The following CLSTN2 variants were observed in gnomAD, a reference collection of about 807,000 sequenced individuals.
The protein encoded by CLSTN2 is calsyntenin-2.
Under a neutral mutation model 101.2 loss-of-function variants are expected in CLSTN2, and 48 were observed. The observed-to-expected ratio is 0.47, with a 90% CI of 0.38 to 0.60. The LOEUF (loss-of-function observed/expected upper bound fraction) is 0.60. Among genes scored for constraint, CLSTN2 ranks in the 20% least tolerant of loss-of-function variants. The pLI, the probability that CLSTN2 is intolerant of heterozygous loss-of-function variation, is 0.00. For missense variants in CLSTN2, 1,160 were observed against 1,238.2 expected (o/e 0.94, Z 0.95); for synonymous variants, 481 against 463.6 (o/e 1.04, Z -0.48).
chr3:140,562,325 C>A lies in CLSTN2; in HGVS notation c.2212+17C>A, dbSNP rs1487145663. 1.2e-6 allele frequency: 2 copies of A among 1,603,654 alleles called. No homozygotes were observed. Among genetic ancestry groups the A allele is most frequent in the Non-Finnish European group, 1.7e-6 (2 of 1,175,850 alleles). ...CCATCTACGGTAAGGCCACACTCAG[C>A]CCCCTTTGCCCCAAGGGTGTCCTCT... On this transcript the variant is annotated intron_variant, in intron 13 of 16. Coordinates refer to ENST00000458420, the MANE Select transcript of CLSTN2 (RefSeq NM_022131.3).
chr3:140,055,158 C>A (rs1255077865), intron 1 of CLSTN2, among the ~76,000 whole-genome samples: 2 of 152,272 alleles, frequency 1.3e-5, no homozygotes, highest in Non-Finnish European at 2.9e-5. Context: ...GAATTTCATT[C>A]CATTTCATCA....
chr3:140,391,664 ATTAAG>A (rs2088115244), intron 2 of CLSTN2, among the ~76,000 whole-genome samples: 1 of 151,888 alleles, frequency 6.6e-6, no homozygotes, highest in Non-Finnish European at 1.5e-5. Context: ...ATTTTACAAT[ATTAAG>A]TTTTTTTAAG....
chr3:140,423,069 C>T (rs991933539), intron 5 of CLSTN2, among the ~76,000 whole-genome samples: 5 of 152,154 alleles, frequency 3.3e-5, no homozygotes, highest in East Asian at 1.9e-4. Context: ...AAAAGCAAAA[C>T]ACACAGCTAT....
At chr3:140,041,733 T>A (rs901657897) in intron 1 of CLSTN2, among the ~76,000 whole-genome samples, 1 of 152,206 alleles carries the variant, frequency 6.6e-6, no homozygotes, top group Non-Finnish European at 1.5e-5. Flanking sequence ...GAGGCATATC[T>A]GTGTCATTGT....
At chr3:139,987,152 T>C (rs1936038631) in intron 1 of CLSTN2, among the ~76,000 whole-genome samples, 1 of 152,176 alleles carries the variant, frequency 6.6e-6, no homozygotes, top group African/African-American at 2.4e-5. Context: ...AAACTGAAAG[T>C]ATAGCTGCTT....
chr3:140,497,966 C>T (rs1934503780), intron 8 of CLSTN2, among the ~76,000 whole-genome samples: 1 of 152,184 alleles, frequency 6.6e-6, no homozygotes, highest in South Asian at 2.1e-4. Flanking sequence ...CCAGGGTGGG[C>T]TGTCGCCCCA....
chr3:140,264,875 TTTA>T (rs1164073780), intron 2 of CLSTN2, among the ~76,000 whole-genome samples: 7 of 152,176 alleles, frequency 4.6e-5, no homozygotes, highest in Admixed American at 2.0e-4. Context: ...TTCCAACACA[TTTA>T]TTGAGTGCTT....
At chr3:140,371,320 G>GA (rs1012504324) in intron 2 of CLSTN2, among the ~76,000 whole-genome samples, 17 of 140,348 alleles carry the variant, frequency 1.2e-4, no homozygotes, top group African/African-American at 3.9e-4. Flanking sequence ...AAGTTCATTG[G>GA]AAAAAAATCT....
chr3:140,513,233 T>C (rs1489262334), intron 8 of CLSTN2, among the ~76,000 whole-genome samples: 4 of 152,206 alleles, frequency 2.6e-5, no homozygotes, highest in Non-Finnish European at 5.9e-5. Flanking sequence ...AGTATGATAT[T>C]GGCTGTGTGT....
At position 140,487,989 on chromosome 3, in the gene CLSTN2, G is replaced by A. The variant is rs540793108; in HGVS notation, c.1344+21258G>A. Among the ~76,000 whole-genome samples the A allele has an allele frequency of 3.3e-5, 5 of 152,270 alleles. No individual in the cohort carries two copies. The East Asian group carries it at 9.6e-4, about 29-fold the overall frequency. ...ATATCAGCCACTTATTTTTCTGCCT[G>A]TAAACATAGACATAAAATGAGTCTT... On this transcript the variant is annotated intron_variant, in intron 8 of 16. Coordinates refer to ENST00000458420, the MANE Select transcript of CLSTN2 (RefSeq NM_022131.3).
At chr3:140,046,109 G>A (rs566028903) in intron 1 of CLSTN2, among the ~76,000 whole-genome samples, 2 of 152,242 alleles carry the variant, frequency 1.3e-5, no homozygotes, top group East Asian at 1.9e-4. Flanking sequence ...TATTGATAGT[G>A]GGGTGTTAAA....
At chr3:140,171,724 T>A (rs1320307414) in intron 1 of CLSTN2, among the ~76,000 whole-genome samples, 1 of 111,996 alleles carries the variant, frequency 8.9e-6, no homozygotes, top group Non-Finnish European at 1.7e-5. Context: ...GTATTATATA[T>A]TATATATAAT....
At chr3:139,977,273 G>A (rs1935833386) in intron 1 of CLSTN2, among the ~76,000 whole-genome samples, 1 of 152,090 alleles carries the variant, frequency 6.6e-6, no homozygotes, top group South Asian at 2.1e-4. Context: ...TTCGTACAGG[G>A]ATGGAACAAG....
intron 9 of CLSTN2, among the ~76,000 whole-genome samples, chr3:140,541,419 T>C (rs1364219117): frequency 1.3e-5 from 2 of 152,350 alleles, no homozygotes; most frequent in Middle Eastern, 3.4e-3. Context: ...GCTTGGCTGA[T>C]TGCAGGGAGA....
intron 8 of CLSTN2, among the ~76,000 whole-genome samples, chr3:140,521,592 A>T (rs889591169): frequency 6.6e-6 from 1 of 152,242 alleles, no homozygotes; most frequent in Admixed American, 6.5e-5. Flanking sequence ...TCACCCAGTC[A>T]GGAGGAACAG....
chr3:140,483,747 C>T (rs1471654729), intron 8 of CLSTN2, among the ~76,000 whole-genome samples: 1 of 152,134 alleles, frequency 6.6e-6, no homozygotes, highest in South Asian at 2.1e-4. Flanking sequence ...TCTGTTTTAT[C>T]AGAGACTAGG....
At chr3:140,237,516 C>G (rs2086428206) in intron 2 of CLSTN2, among the ~76,000 whole-genome samples, 1 of 152,170 alleles carries the variant, frequency 6.6e-6, no homozygotes, top group African/African-American at 2.4e-5. Context: ...TTACACTCTT[C>G]CCCGTACATG....
In CLSTN2 at chr3:140,419,712, T is replaced by TATATATACGTATATACATGTATATAC. The variant is rs2088476402; in HGVS notation, c.638-1413_638-1412insATATATACGTATATACATGTATATAC. On this transcript the variant is annotated intron_variant, in intron 4 of 16. Transcript: ENST00000458420. ...ATATACGTATATGAATATGTATATA[T>TATATATACGTATATACATGTATATAC]GTATATATACGTATATACATGTATA... is the stretch of plus-strand genomic sequence containing the variant. Among the ~76,000 whole-genome samples, 4 of 64,786 alleles carry TATATATACGTATATACATGTATATAC rather than the reference T, an allele frequency of 6.2e-5. 1 individual carries two copies. In the South Asian group the frequency reaches 1.6e-3, roughly 26 times the overall value. The allele number at this position is 64,786 out of a possible 152,430, so 42.5% of individuals were successfully genotyped here.
At chr3:139,962,645 G>C (rs986291810) in intron 1 of CLSTN2, among the ~76,000 whole-genome samples, 2 of 152,034 alleles carry the variant, frequency 1.3e-5, no homozygotes, top group African/African-American at 4.8e-5. Flanking sequence ...TTAAAAATTT[G>C]GATTAAGAAT....
Sources: gnomAD v4.1 joint callset for allele counts (sites outside exome capture counted in the v4.1 genomes callset) on GRCh38, gnomAD v4.1.1 for gene constraint, MANE v1.5 for transcripts, NCBI Gene and HGNC (gene_info 2026-07-23, HGNC 2026-07-21) for gene names.